Variants in SMURF2 observed in about 807,000 individuals in gnomAD.
SMURF2 encodes SMAD specific E3 ubiquitin protein ligase 2.
In SMURF2, 48 loss-of-function variants were observed where a neutral mutation model predicts 109.6. That is an observed-to-expected ratio of 0.44 (90% confidence interval 0.35 to 0.56). The LOEUF is 0.56. Ranked by LOEUF, SMURF2 falls within the 20% of genes least tolerant of loss-of-function variation. SMURF2 has a pLI of 0.01. For synonymous variants in SMURF2, 288 were observed against 317.1 expected, an observed-to-expected ratio of 0.91 and a Z score of 0.97; for missense variants, 575 against 909.0, an observed-to-expected ratio of 0.63 and a Z score of 4.72.
At chr17:64,600,825 A>T (rs1339687298) in intron 2 of SMURF2, among the ~76,000 whole-genome samples, 2 of 152,218 alleles carry the variant, frequency 1.3e-5, no homozygotes, top group Non-Finnish European at 2.9e-5. Context: ...ATAAATAAAC[A>T]TATAAATGTG....
chr17:64,661,824 C>T lies in SMURF2; in HGVS notation c.52+5G>A, dbSNP rs1033898098. The T allele has an allele frequency of 3.6e-5, 44 of 1,222,876 alleles. No homozygotes were observed. The highest frequency in any genetic ancestry group is 1.6e-4 in the South Asian group (4 of 24,490). 75.8% of individuals were successfully genotyped at this position (1,222,876 alleles called of 1,614,324 possible). On this transcript the variant is annotated splice_donor_5th_base_variant and intron_variant, in intron 1 of 18. Coordinates refer to ENST00000262435, the MANE Select transcript of SMURF2 (RefSeq NM_022739.4). ...TGCCCAGCCCGGCCCGCCGCCCCCC[C>T]TCACCTGTCAGGCGCAGCTTGACGG...
chr17:64,616,228 A>T (rs1970118851), intron 1 of SMURF2, among the ~76,000 whole-genome samples: 1 of 152,202 alleles, frequency 6.6e-6, no homozygotes, highest in Non-Finnish European at 1.5e-5. Context: ...ATTGGATAAC[A>T]TTTATCAAAT....
At chr17:64,655,016 C>T (rs1354084099) in intron 1 of SMURF2, among the ~76,000 whole-genome samples, 3 of 151,750 alleles carry the variant, frequency 2.0e-5, no homozygotes, top group Non-Finnish European at 4.4e-5. Context: ...TAACTGCATT[C>T]CTAAATACAA....
At chr17:64,604,731 G>GTCAGGCAT (rs1456532662) in intron 2 of SMURF2, among the ~76,000 whole-genome samples, 3 of 152,042 alleles carry the variant, frequency 2.0e-5, no homozygotes, top group Admixed American at 6.6e-5. Context: ...GGATCACGAG[G>GTCAGGCAT]TCAGGCATTC....
rs1290182620 is a variant in SMURF2, at chr17:64,626,356, A to G, written c.53-19716T>C. 4.6e-5 allele frequency among the ~76,000 whole-genome samples: 7 copies of G among 152,034 alleles called. No homozygotes were observed. The East Asian group carries it at 1.3e-3, about 29-fold the overall frequency. On this transcript the variant is annotated intron_variant, in intron 1 of 18. Coordinates refer to ENST00000262435, the MANE Select transcript of SMURF2 (RefSeq NM_022739.4). ...ATATATAGCCATGTTTTCCAAATAT[A>G]CTTGGAACTTTTACTTGTAAGTTAT...
intron 1 of SMURF2, among the ~76,000 whole-genome samples, chr17:64,648,056 CTTAA>C (rs1970582689): frequency 2.0e-5 from 1 of 50,290 alleles, no homozygotes; most frequent in African/African-American, 8.9e-5. Context: ...GACCCTATCT[CTTAA>C]AAAAAAAAAA....
rs967846151 is a variant in SMURF2 at position 64,547,459 on chromosome 17, G to T, written c.2071+141C>A. 7.1e-6 allele frequency: 5 copies of T among 700,262 alleles called. No homozygotes were observed. The highest frequency in any genetic ancestry group is 3.9e-4 in the Middle Eastern group (1 of 2,542). 43.4% of individuals were successfully genotyped at this position (700,262 alleles called of 1,614,324 possible). On this transcript the variant is annotated intron_variant, in intron 17 of 18. Transcript: ENST00000262435. This position sits in a 1 kb window ranked among gnomAD's most constrained non-coding sequence, Gnocchi z 4.2. The stretch of plus-strand genomic sequence containing the variant: ...GAACAAAAGAAAGGAGGGAGAAGAA[G>T]GTATCACAATGTGAGAGTCACAGAT...
intron 9 of SMURF2, among the ~76,000 whole-genome samples, chr17:64,573,986 A>C (rs1421715572): frequency 1.3e-5 from 2 of 152,190 alleles, no homozygotes; most frequent in East Asian, 3.8e-4. Flanking sequence ...AGAGGGTGGA[A>C]GGTGGAAGAA....
chr17:64,629,674 C>T (rs1970311983), intron 1 of SMURF2, among the ~76,000 whole-genome samples: 2 of 152,270 alleles, frequency 1.3e-5, no homozygotes, highest in South Asian at 2.1e-4. Context: ...GCTAAATGGC[C>T]TTTTCAGCCT....
rs892808554 is a variant in SMURF2, at chr17:64,557,467, A to G, written c.1431+141T>C. 9 of 618,400 alleles carry G rather than the reference A, an allele frequency of 1.5e-5. No homozygotes were observed. The South Asian group carries it at 1.9e-4, about 13-fold the overall frequency. The allele number at this position is 618,400 out of a possible 1,614,324, so 38.3% of individuals were successfully genotyped here. ...ATATATCCATAATCATCTGCTTGGGAAAATTTTATAGAAGGGGAATTGCTG... is the reference window on the plus strand; with the variant it reads ...ATATATCCATAATCATCTGCTTGGGGAAATTTTATAGAAGGGGAATTGCTG... On this transcript the variant is annotated intron_variant, in intron 13 of 18. Coordinates refer to ENST00000262435, the MANE Select transcript of SMURF2 (RefSeq NM_022739.4).
intron 1 of SMURF2, among the ~76,000 whole-genome samples, chr17:64,634,137 G>A (rs1329649037): frequency 6.6e-6 from 1 of 152,206 alleles, no homozygotes; most frequent in Non-Finnish European, 1.5e-5. Context: ...CTGGGCGACA[G>A]TGAGACTGTT....
intron 2 of SMURF2, among the ~76,000 whole-genome samples, chr17:64,603,353 AG>A (rs1969923313): frequency 6.6e-6 from 1 of 152,090 alleles, no homozygotes; most frequent in Non-Finnish European, 1.5e-5. Flanking sequence ...AGGCCGAGGC[AG>A]GCGGATCACA....
intron 1 of SMURF2, among the ~76,000 whole-genome samples, chr17:64,613,743 TG>T (rs1970082374): frequency 3.3e-5 from 3 of 92,218 alleles, no homozygotes; most frequent in African/African-American, 8.4e-5. Flanking sequence ...TGTGTGTGTG[TG>T]GAGGGGGGGC....
intron 1 of SMURF2, among the ~76,000 whole-genome samples, chr17:64,650,687 G>A (rs555298049): frequency 6.6e-6 from 1 of 152,044 alleles, no homozygotes; most frequent in East Asian, 1.9e-4. Context: ...AAAATTAGCT[G>A]GGTGTAGTGG....
Position 64,641,554 on chromosome 17 carries a change from G to A in SMURF2, c.52+20275C>T, listed in dbSNP as rs149682457. Among the ~76,000 whole-genome samples the A allele has an allele frequency of 2.9e-3, 449 of 152,280 alleles. 1 individual carries two copies. Among genetic ancestry groups the A allele is most frequent in the African/African-American group, 0.01 (431 of 41,546 alleles). On this transcript the variant is annotated intron_variant, in intron 1 of 18. Transcript: ENST00000262435. ...GGACCTCCTAGGCTAAGTCAGAAAAGGAGATGTAACTTTCACTTTGTTCCT... is the reference window on the plus strand; with the variant it reads ...GGACCTCCTAGGCTAAGTCAGAAAAAGAGATGTAACTTTCACTTTGTTCCT...
intron 10 of SMURF2, among the ~76,000 whole-genome samples, chr17:64,570,212 G>T (rs1555685436): frequency 1.3e-5 from 2 of 152,170 alleles, no homozygotes; most frequent in Non-Finnish European, 2.9e-5. Flanking sequence ...GACATTTTCA[G>T]AAGTCATTTT....
chr17:64,643,086 G>A (rs989665429), intron 1 of SMURF2, among the ~76,000 whole-genome samples: 4 of 152,034 alleles, frequency 2.6e-5, no homozygotes, highest in African/African-American at 4.8e-5. Flanking sequence ...GTACAGTGGC[G>A]CCATCACGGT....
intron 7 of SMURF2, among the ~76,000 whole-genome samples, chr17:64,583,037 C>CA (rs1445889269): frequency 1.3e-5 from 2 of 151,968 alleles, no homozygotes; most frequent in African/African-American, 4.8e-5. Context: ...TAGCTGGGAC[C>CA]ACAAGCATAA....
At chr17:64,599,531 C>A (rs1238333729) in intron 2 of SMURF2, among the ~76,000 whole-genome samples, 1 of 152,170 alleles carries the variant, frequency 6.6e-6, no homozygotes, top group Non-Finnish European at 1.5e-5. Context: ...TGGCCTGTTA[C>A]AACCGGACCA....
Sources: gnomAD v4.1 joint callset for allele counts (sites outside exome capture counted in the v4.1 genomes callset) on GRCh38, gnomAD v4.1.1 for gene constraint, Gnocchi (gnomAD v3.1) non-coding constraint, MANE v1.5 for transcripts, NCBI Gene and HGNC (gene_info 2026-07-23, HGNC 2026-07-21) for gene names.